The following PTPN21 variants were observed in gnomAD, a reference collection of about 807,000 sequenced individuals.
The protein encoded by PTPN21 is tyrosine-protein phosphatase non-receptor type 21.
Under a neutral mutation model 131.8 loss-of-function variants are expected in PTPN21, and 77 were observed. The ratio of observed to expected loss-of-function variants is 0.58; its 90% CI spans 0.49 to 0.71. PTPN21 has a LOEUF of 0.71. Among genes scored for constraint, PTPN21 ranks in the 30% least tolerant of loss-of-function variants. PTPN21 has a pLI of 0.00. For synonymous variants in PTPN21, 715 were observed against 621.3 expected, an observed-to-expected ratio of 1.15 and a Z score of -2.24; for missense variants, 1,552 against 1,527.1, an observed-to-expected ratio of 1.02 and a Z score of -0.27.
intron 4 of PTPN21, 56 bp from the exon 5 acceptor site, chr14:88,505,427 T>A: frequency 7.8e-7 from 1 of 1,289,386 alleles, no homozygotes; most frequent in South Asian, 1.3e-5. Context: ...TTGCAAAATA[T>A]GCACAACAAA....
chr14:88,514,423 A>G (rs957615524), intron 3 of PTPN21, among the ~76,000 whole-genome samples: 52 of 151,088 alleles, frequency 3.4e-4, no homozygotes, highest in African/African-American at 1.2e-3. Flanking sequence ...CACTTTCTGA[A>G]GATGTATTAT....
intron 2 of PTPN21, among the ~76,000 whole-genome samples, chr14:88,545,640 C>T (rs2078765237): frequency 6.6e-6 from 1 of 152,188 alleles, no homozygotes; most frequent in Non-Finnish European, 1.5e-5. Context: ...CTATAACGAA[C>T]AGCAATATTT....
intron 10 of PTPN21, 87 bp from the exon 11 acceptor site, chr14:88,485,929 A>C: frequency 3.7e-6 from 3 of 815,414 alleles, no homozygotes; most frequent in Non-Finnish European, 5.9e-6. Context: ...TAAAATAATA[A>C]ATCTTCTCAG....
chr14:88,514,522 C>T (rs941319408), intron 3 of PTPN21, among the ~76,000 whole-genome samples: 5 of 150,184 alleles, frequency 3.3e-5, no homozygotes, highest in Non-Finnish European at 7.4e-5. Context: ...TGGAGTGCAG[C>T]GGTGCCATCT....
chr14:88,551,275 C>CA (rs1209817925), intron 1 of PTPN21: 3 of 152,290 alleles, frequency 2.0e-5, no homozygotes, highest in Admixed American at 2.0e-4. Flanking sequence ...AGACCCCGGC[C>CA]CCTCTCCAGG....
intron 2 of PTPN21, among the ~76,000 whole-genome samples, chr14:88,518,344 AAG>A (rs2078322473): frequency 9.4e-6 from 1 of 105,848 alleles, no homozygotes; most frequent in African/African-American, 3.3e-5. Context: ...ATATGTGTAT[AAG>A]TGTATATATA....
At chr14:88,480,373 A>T (rs750939085) in intron 12 of PTPN21, 21 bp from the exon 13 acceptor site, 4 of 1,565,002 alleles carry the variant, frequency 2.6e-6, no homozygotes, top group Admixed American at 3.4e-5. Flanking sequence ...TGAGTTCAAA[A>T]TGAGATTTTT....
At chr14:88,486,992 A>G (rs559512356) in intron 10 of PTPN21, among the ~76,000 whole-genome samples, 9 of 152,054 alleles carry the variant, frequency 5.9e-5, no homozygotes, top group African/African-American at 2.2e-4. Context: ...AAAAAAAAAA[A>G]AAAAAGTACC....
At chr14:88,473,550 ACT>A in intron 14 of PTPN21, 113 bp downstream of exon 14, 5 of 1,286,102 alleles carry the variant, frequency 3.9e-6, no homozygotes. Flanking sequence ...ATTCCTTAAC[ACT>A]CATTTATTAT....
At chr14:88,510,970 T>A (rs968711403) in intron 3 of PTPN21, among the ~76,000 whole-genome samples, 1 of 151,266 alleles carries the variant, frequency 6.6e-6, no homozygotes, top group African/African-American at 2.4e-5. Context: ...TGGAGTGCAA[T>A]GGCGTAATCA....
chr14:88,533,674 G>A (rs2078585094), intron 2 of PTPN21, among the ~76,000 whole-genome samples: 2 of 152,122 alleles, frequency 1.3e-5, no homozygotes, highest in African/African-American at 2.4e-5. Flanking sequence ...CTTGAGCCAA[G>A]GAGTTCAAGA....
intron 12 of PTPN21, among the ~76,000 whole-genome samples, 198 bp downstream of exon 12, chr14:88,484,878 C>T (rs1040611290): frequency 8.9e-5 from 6 of 67,154 alleles, no homozygotes; most frequent in African/African-American, 3.6e-4. Context: ...CACATTGAGA[C>T]TCTGTCTCCA....
intron 14 of PTPN21, among the ~76,000 whole-genome samples, chr14:88,472,805 G>A (rs73329666): frequency 6.3e-4 from 96 of 152,220 alleles, no homozygotes; most frequent in African/African-American, 2.3e-3. Context: ...AGGAGGTTGA[G>A]GCTGCAGTGA....
At chr14:88,513,812 C>G (rs1226064695) in intron 3 of PTPN21, 1 of 152,216 alleles carries the variant, frequency 6.6e-6, no homozygotes, top group East Asian at 1.9e-4. Context: ...CTCATATTTC[C>G]TTTCCTTGAG....
intron 2 of PTPN21, among the ~76,000 whole-genome samples, chr14:88,520,425 T>C (rs2078371178): frequency 1.4e-5 from 2 of 147,242 alleles, no homozygotes. Context: ...AAAAAAAAAA[T>C]CCTTGACAAG....
chr14:88,497,597 G>A (rs1429421686), intron 8 of PTPN21, among the ~76,000 whole-genome samples: 1 of 151,664 alleles, frequency 6.6e-6, no homozygotes, highest in African/African-American at 2.4e-5. Context: ...GTGAAACCCC[G>A]TCTCTACTAA....
Position 88,479,734 on chromosome 14 carries a change from G to GGGGCCC in PTPN21, c.1696_1697insGGGCCC (p.Pro565_Pro566insArgAla). On this transcript the variant is annotated inframe_insertion, in exon 13 of 19. Transcript: ENST00000556564. ...GGGCCTGGGGGGCGGGTAGGGTGGG[G>GGGGCCC]GTGGCCGGTACACCTGCGTCCGCAT... 7.1e-7 allele frequency: 1 copy of GGGGCCC among 1,417,750 alleles called. No individual in the cohort carries two copies. The highest frequency in any genetic ancestry group is 9.5e-7 in the Non-Finnish European group (1 of 1,053,150). 87.8% of individuals were successfully genotyped at this position (1,417,750 alleles called of 1,614,324 possible).
intron 2 of PTPN21, among the ~76,000 whole-genome samples, chr14:88,525,735 G>A (rs772326958): frequency 2.0e-5 from 3 of 152,096 alleles, no homozygotes; most frequent in African/African-American, 4.8e-5. Flanking sequence ...AGGTGCTCAA[G>A]AAACACATGT....
intron 2 of PTPN21, among the ~76,000 whole-genome samples, chr14:88,536,833 G>A (rs1168297924): frequency 6.6e-6 from 1 of 152,192 alleles, no homozygotes; most frequent in African/African-American, 2.4e-5. Context: ...TCAGGAAAGA[G>A]ATGACAGAAG....
Sources: gnomAD v4.1 joint callset for allele counts (sites outside exome capture counted in the v4.1 genomes callset) on GRCh38, gnomAD v4.1.1 for gene constraint, MANE v1.5 for transcripts, NCBI Gene and HGNC (gene_info 2026-07-23, HGNC 2026-07-21) for gene names.